XKR9: variants seen among roughly 807,000 people sequenced by gnomAD.
The protein encoded by XKR9 is XK-related protein 9.
In XKR9, 32 loss-of-function variants were observed where a neutral mutation model predicts 32.0. The ratio of observed to expected loss-of-function variants is 1.00; its 90% CI spans 0.76 to 1.34. The LOEUF (loss-of-function observed/expected upper bound fraction) is 1.34. XKR9 is among the 40% of genes most tolerant of loss of function. The pLI, the probability that XKR9 is intolerant of heterozygous loss-of-function variation, is 0.00. For missense variants in XKR9, 546 were observed against 429.7 expected (o/e 1.27, Z -2.39); for synonymous variants, 168 against 143.4 (o/e 1.17, Z -1.22).
At chr8:70,888,321 G>A in the XKR9 span, among the ~76,000 whole-genome samples, 29 of 151,412 alleles carry the variant, frequency 1.9e-4, no homozygotes, top group Middle Eastern at 3.4e-3. Context: ...TGGCTATTGC[G>A]TTGTTTGAGT....
the XKR9 span, among the ~76,000 whole-genome samples, chr8:70,878,833 C>T: frequency 6.8e-4 from 103 of 152,258 alleles, no homozygotes; most frequent in Middle Eastern, 3.4e-3. Context: ...ACTCTCCACC[C>T]CAAATCAACA....
the XKR9 span, among the ~76,000 whole-genome samples, chr8:70,936,204 A>G: frequency 6.6e-6 from 1 of 152,090 alleles, no homozygotes; most frequent in African/African-American, 2.4e-5. Flanking sequence ...CTGTGTAATC[A>G]GGGGAAATAG....
At chr8:70,868,561 T>A in the XKR9 span, among the ~76,000 whole-genome samples, 1 of 152,172 alleles carries the variant, frequency 6.6e-6, no homozygotes, top group Middle Eastern at 3.4e-3. Flanking sequence ...GGGCACCAAG[T>A]CCCTAGGCTG....
At chr8:70,741,501 T>G (rs1806981736) in intron 2 of XKR9, among the ~76,000 whole-genome samples, 1 of 152,244 alleles carries the variant, frequency 6.6e-6, no homozygotes, top group Non-Finnish European at 1.5e-5. Context: ...TGTATTTGTC[T>G]TTTGTTACTG....
chr8:70,829,670 G>A, the XKR9 span, among the ~76,000 whole-genome samples: 4 of 152,030 alleles, frequency 2.6e-5, no homozygotes, highest in African/African-American at 4.8e-5. Flanking sequence ...GGATGGTCTC[G>A]ACCTCCTCAC....
At chr8:70,987,009 C>A in the XKR9 span, among the ~76,000 whole-genome samples, 1 of 152,108 alleles carries the variant, frequency 6.6e-6, no homozygotes, top group Non-Finnish European at 1.5e-5. Context: ...CTGATAAAAC[C>A]ACCAAATCTC....
chr8:70,698,719 A>G (rs1805389701), intron 3 of XKR9, among the ~76,000 whole-genome samples: 1 of 152,162 alleles, frequency 6.6e-6, no homozygotes, highest in African/African-American at 2.4e-5. Flanking sequence ...TGCAGAGCTG[A>G]GTTCAATTCC....
At chr8:70,740,297 G>A (rs1806948019), downstream of XKR9, among the ~76,000 whole-genome samples, 1 of 152,046 alleles carries the variant, frequency 6.6e-6, no homozygotes, top group South Asian at 2.1e-4. Flanking sequence ...CGTAGTTCTC[G>A]AGCCTTGGTT....
chr8:70,712,525 T>C (rs1280856487), intron 4 of XKR9, among the ~76,000 whole-genome samples: 1 of 152,002 alleles, frequency 6.6e-6, no homozygotes, highest in Non-Finnish European at 1.5e-5. Flanking sequence ...TTATAATCCA[T>C]AAAACTGGGA....
At chr8:70,940,903 C>A in the XKR9 span, among the ~76,000 whole-genome samples, 1 of 152,082 alleles carries the variant, frequency 6.6e-6, no homozygotes, top group East Asian at 1.9e-4. Flanking sequence ...GTTAGGCTCT[C>A]CTTCTCTCTG....
chr8:70,844,920 C>A, the XKR9 span, among the ~76,000 whole-genome samples: 1 of 152,338 alleles, frequency 6.6e-6, no homozygotes, highest in East Asian at 1.9e-4. Context: ...ATCTGCCTAC[C>A]TACCTGCCCT....
intron 3 of XKR9, among the ~76,000 whole-genome samples, chr8:70,789,889 A>G (rs1013925375): frequency 4.6e-5 from 7 of 151,894 alleles, no homozygotes; most frequent in Non-Finnish European, 1.0e-4. Context: ...TGCCAATCAT[A>G]CTCCATTATA....
At chr8:70,843,737 C>T in the XKR9 span, among the ~76,000 whole-genome samples, 1 of 152,150 alleles carries the variant, frequency 6.6e-6, no homozygotes, top group Non-Finnish European at 1.5e-5. Flanking sequence ...GCAGCTTTTG[C>T]AGGCCCTAGG....
intron 3 of XKR9, among the ~76,000 whole-genome samples, chr8:70,694,026 A>G (rs564572164): frequency 6.6e-6 from 1 of 151,582 alleles, no homozygotes; most frequent in South Asian, 2.1e-4. Flanking sequence ...AGATATGGGA[A>G]TGGGTACCCA....
At chr8:70,906,823 A>C in the XKR9 span, among the ~76,000 whole-genome samples, 1 of 152,148 alleles carries the variant, frequency 6.6e-6, no homozygotes, top group Non-Finnish European at 1.5e-5. Context: ...AATATGTAAA[A>C]AATTTTCCAA....
chr8:70,950,811 T>G, the XKR9 span, among the ~76,000 whole-genome samples: 1 of 152,034 alleles, frequency 6.6e-6, no homozygotes, highest in Non-Finnish European at 1.5e-5. Context: ...GTAGCTGGGA[T>G]TACAGGCACC....
At chr8:70,725,398 C>T (rs1307320356) in intron 4 of XKR9, among the ~76,000 whole-genome samples, 1 of 151,926 alleles carries the variant, frequency 6.6e-6, no homozygotes, top group African/African-American at 2.4e-5. Flanking sequence ...AATAGGAAAT[C>T]AATAAACAGT....
chr8:70,966,632 G>T, the XKR9 span, among the ~76,000 whole-genome samples: 1 of 152,112 alleles, frequency 6.6e-6, no homozygotes, highest in African/African-American at 2.4e-5. Flanking sequence ...ATATCTATCA[G>T]GTCTGCTTGA....
the XKR9 span, among the ~76,000 whole-genome samples, chr8:70,911,771 G>A: frequency 3.3e-5 from 5 of 152,314 alleles, no homozygotes; most frequent in Admixed American, 3.3e-4. Context: ...AGTGTGTTGG[G>A]TGCTGTTGCA....
Sources: gnomAD v4.1 joint callset for allele counts (sites outside exome capture counted in the v4.1 genomes callset) on GRCh38, gnomAD v4.1.1 for gene constraint, MANE v1.5 for transcripts, NCBI Gene and HGNC (gene_info 2026-07-23, HGNC 2026-07-21) for gene names.